FIP1L1: variants seen among roughly 807,000 people sequenced by gnomAD.
The protein encoded by FIP1L1 is pre-mRNA 3'-end-processing factor FIP1.
A neutral mutation model predicts 84.6 loss-of-function variants in FIP1L1; 21 were observed. That is an observed-to-expected ratio of 0.25 (90% CI 0.18 to 0.36). The LOEUF (loss-of-function observed/expected upper bound fraction) is 0.36, where lower values mean the gene tolerates loss of function less well. Among genes scored for constraint, FIP1L1 ranks in the 10% least tolerant of loss-of-function variants. The probability of loss-of-function intolerance (pLI) is 1.00; values close to 1 mark genes in which losing one functional copy is unlikely to be tolerated. For missense variants in FIP1L1, 526 were observed against 751.1 expected, an observed-to-expected ratio of 0.70 and a Z score of 3.50; for synonymous variants, 263 against 242.3, an observed-to-expected ratio of 1.09 and a Z score of -0.80.
Position 53,459,441 on chromosome 4 carries a change from G to A in FIP1L1, c.1777G>A (p.Ala593Thr), listed in dbSNP as rs749819796. Residue 593 changes from alanine to threonine, a missense_variant, in exon 18 of 18, where the codon GCA becomes ACA. Physicochemically the swap from Ala to Thr is moderately conservative, Grantham distance 58. Around this residue, in one of 6 missense-constraint regions of FIP1L1, gnomAD observed 89 missense variants for 169.0 expected, o/e 0.53. Transcript: ENST00000337488. ...ACAGGAGAGCACCGAAGCTACACCTGCAGAATAGGCATGGTTTTGGCCTTT... is the reference window on the plus strand; with the variant it reads ...ACAGGAGAGCACCGAAGCTACACCTACAGAATAGGCATGGTTTTGGCCTTT... The part of the protein sequence containing the change: ...PEQESTEATP[A>T]E 2.3e-5 allele frequency: 37 copies of A among 1,613,476 alleles called. No individual in the cohort carries two copies. Among genetic ancestry groups the A allele is most frequent in the African/African-American group, 2.7e-5 (2 of 74,882 alleles).
chr4:53,391,695 A>G (rs750614243), intron 9 of FIP1L1, among the ~76,000 whole-genome samples, 197 bp downstream of exon 9: 5 of 152,208 alleles, frequency 3.3e-5, no homozygotes, highest in Admixed American at 6.5e-5. Context: ...AGCCTATTAT[A>G]CTAACAAATG....
chr4:53,407,764 C>T (rs2149628634), intron 10 of FIP1L1, among the ~76,000 whole-genome samples: 1 of 152,242 alleles, frequency 6.6e-6, no homozygotes, highest in East Asian at 1.9e-4. Flanking sequence ...TTCTTTGTCT[C>T]TTTTGATCTT....
intron 5 of FIP1L1, among the ~76,000 whole-genome samples, chr4:53,384,726 G>A (rs1345866047): frequency 6.6e-6 from 1 of 152,154 alleles, no homozygotes; most frequent in Admixed American, 6.5e-5. Context: ...AGATTGGAAG[G>A]GAAATACATT....
chr4:53,379,440 C>A (rs996704707), intron 3 of FIP1L1, among the ~76,000 whole-genome samples, 176 bp downstream of exon 3: 4 of 152,142 alleles, frequency 2.6e-5, no homozygotes, highest in Non-Finnish European at 5.9e-5. Context: ...AATCTTACGC[C>A]AATTCTATTT....
intron 13 of FIP1L1, among the ~76,000 whole-genome samples, chr4:53,435,132 C>T (rs902489965): frequency 1.1e-4 from 16 of 152,154 alleles, no homozygotes; most frequent in South Asian, 1.0e-3. Context: ...TTTCTATATT[C>T]AATTTAAAAA....
At chr4:53,384,235 C>T (rs1021081155) in intron 5 of FIP1L1, among the ~76,000 whole-genome samples, 20 of 152,002 alleles carry the variant, frequency 1.3e-4, no homozygotes, top group Admixed American at 4.6e-4. Flanking sequence ...ATGGTGAAAC[C>T]TTATCTCTAC....
intron 10 of FIP1L1, 50 bp downstream of exon 10, chr4:53,399,889 C>T: frequency 8.1e-7 from 1 of 1,228,680 alleles, no homozygotes; most frequent in Non-Finnish European, 1.2e-6. Flanking sequence ...GGTATCTTTA[C>T]ATTGTATTTG....
intron 5 of FIP1L1, among the ~76,000 whole-genome samples, chr4:53,388,145 G>A (rs1269016527): frequency 6.6e-6 from 1 of 152,138 alleles, no homozygotes; most frequent in Non-Finnish European, 1.5e-5. Flanking sequence ...AAAAGTGACA[G>A]TGCAAATGTA....
At chr4:53,458,292 G>C (rs938534632) in intron 16 of FIP1L1, among the ~76,000 whole-genome samples, 1 of 151,920 alleles carries the variant, frequency 6.6e-6, no homozygotes, top group African/African-American at 2.4e-5. Context: ...AATTCTAAAA[G>C]GAGCAAAAAT....
chr4:53,452,540 A>G (rs1391917669), intron 15 of FIP1L1, among the ~76,000 whole-genome samples: 2 of 152,130 alleles, frequency 1.3e-5, no homozygotes, highest in Non-Finnish European at 2.9e-5. Context: ...GCTGGTCTCA[A>G]ACTCCTAGCC....
chr4:53,421,828 C>G (rs1762531350), intron 11 of FIP1L1, among the ~76,000 whole-genome samples: 1 of 152,156 alleles, frequency 6.6e-6, no homozygotes, highest in South Asian at 2.1e-4. Context: ...GGACTTTTGC[C>G]TGGAAATTGC....
intron 6 of FIP1L1, 110 bp from the exon 7 acceptor site, chr4:53,390,411 G>A (rs1743634041): frequency 1.5e-6 from 1 of 649,574 alleles, no homozygotes; most frequent in South Asian, 2.1e-5. Context: ...CTGTTTGTGT[G>A]TGTATATGTG....
At chr4:53,386,131 A>C (rs1377245611) in intron 5 of FIP1L1, among the ~76,000 whole-genome samples, 1 of 152,042 alleles carries the variant, frequency 6.6e-6, no homozygotes, top group Non-Finnish European at 1.5e-5. Context: ...AGTAGAAATA[A>C]TTTATCTTGG....
chr4:53,425,703 A>C (rs1236914378), intron 11 of FIP1L1, 169 bp from the exon 12 acceptor site: 9 of 484,518 alleles, frequency 1.9e-5, no homozygotes, highest in Non-Finnish European at 2.6e-5. Context: ...TTTTTATGAC[A>C]ATGCAAAGTA....
At position 53,389,892 on chromosome 4, in the gene FIP1L1, G is replaced by A. The variant is rs189310322; in HGVS notation, c.397+19G>A. ...ACTACAGGTAAAATTTGTATTTTCT[G>A]TTGCATCAATAGGGAAATAAGGCAC... On this transcript the variant is annotated intron_variant, in intron 6 of 17. Coordinates refer to ENST00000337488, the MANE Select transcript of FIP1L1 (RefSeq NM_030917.4). 153 of 1,573,246 alleles carry A rather than the reference G, an allele frequency of 9.7e-5. No individual in the cohort carries two copies. The highest frequency in any genetic ancestry group is 5.0e-4 in the Middle Eastern group (3 of 5,944).
At chr4:53,437,346 AAAAAAAAGAG>A (rs1298417637) in intron 13 of FIP1L1, among the ~76,000 whole-genome samples, 5 of 149,556 alleles carry the variant, frequency 3.3e-5, no homozygotes, top group African/African-American at 1.3e-4. Flanking sequence ...AAAAAAAAAA[AAAAAAAAGAG>A]AGAGAAATCA....
chr4:53,380,892 T>TA (rs1737503739), intron 3 of FIP1L1, among the ~76,000 whole-genome samples: 1 of 152,214 alleles, frequency 6.6e-6, no homozygotes, highest in South Asian at 2.1e-4. Context: ...TATATGATAA[T>TA]CTTTATCCCA....
At chr4:53,435,876 CA>C (rs1192371995) in intron 13 of FIP1L1, among the ~76,000 whole-genome samples, 2 of 152,124 alleles carry the variant, frequency 1.3e-5, no homozygotes, top group African/African-American at 4.8e-5. Context: ...AATCCTGATA[CA>C]TAGAAACGCA....
intron 10 of FIP1L1, among the ~76,000 whole-genome samples, chr4:53,410,398 C>A (rs560336134): frequency 6.6e-6 from 1 of 152,152 alleles, no homozygotes; most frequent in Non-Finnish European, 1.5e-5. Context: ...CTTAGTTGGT[C>A]ATTGTCAACT....
Sources: gnomAD v4.1 joint callset for allele counts (sites outside exome capture counted in the v4.1 genomes callset) on GRCh38, gnomAD v4.1.1 for gene constraint, gnomAD v4.1.1 regional missense constraint, MANE v1.5 for transcripts, NCBI Gene and HGNC (gene_info 2026-07-23, HGNC 2026-07-21) for gene names.